The following GTF3C1 variants were observed in gnomAD, a reference collection of about 807,000 sequenced individuals.
GTF3C1 encodes general transcription factor 3C polypeptide 1.
Under a neutral mutation model 226.7 loss-of-function variants are expected in GTF3C1, and 57 were observed. The observed-to-expected ratio is 0.25, with a 90% CI of 0.20 to 0.31. The LOEUF is 0.31. GTF3C1 is among the 10% of genes least tolerant of loss of function. GTF3C1 has a pLI of 1.00. For synonymous variants in GTF3C1, 1,090 were observed against 1,084.8 expected, an observed-to-expected ratio of 1.00 and a Z score of -0.09; for missense variants, 2,217 against 2,776.1, an observed-to-expected ratio of 0.80 and a Z score of 4.53.
At chr16:27,494,740 A>T in intron 16 of GTF3C1, 23 bp downstream of exon 16, 2 of 1,594,510 alleles carry the variant, frequency 1.3e-6, no homozygotes, top group Non-Finnish European at 1.7e-6. Flanking sequence ...AATTCCTGTG[A>T]TAATGGCTCC....
In GTF3C1 at chr16:27,545,523, C is replaced by A; in HGVS notation, c.222G>T (p.Arg74=). Reference sequence around the variant, plus strand: ...CAGTTTCCAAATCAATTTCTTCATACCTAAGGAGAAAAACACAAATATCAA... The same window carrying A: ...CAGTTTCCAAATCAATTTCTTCATAACTAAGGAGAAAAACACAAATATCAA... ...RERPDLQLQD[R]YEEIDLETGI... Residue 74 remains arginine (R), a splice_region_variant and synonymous_variant, in exon 2 of 37, where the codon CGG becomes CGT. Transcript: ENST00000356183. The A allele has an allele frequency of 6.3e-7, 1 of 1,578,996 alleles. No homozygotes were observed. The highest frequency in any genetic ancestry group is 8.7e-7 in the Non-Finnish European group (1 of 1,148,368).
chr16:27,462,543 A>T lies in GTF3C1; in HGVS notation c.5925-57T>A. The T allele has an allele frequency of 7.3e-7, 1 of 1,371,020 alleles. No individual in the cohort carries two copies. The highest frequency in any genetic ancestry group is 1.2e-5 in the South Asian group (1 of 82,768). The allele number at this position is 1,371,020 out of a possible 1,614,324, so 84.9% of individuals were successfully genotyped here. ...GTGGGGGCAGGAGGGCAGCTCGTCC[A>T]GACAGAACACTGAGGCTCAGGGGCG... On this transcript the variant is annotated intron_variant, in intron 35 of 36. Transcript: ENST00000356183. The surrounding 1 kb of genome is among the most constrained non-coding windows in gnomAD (Gnocchi z 4.5).
intron 14 of GTF3C1, 88 bp downstream of exon 14, chr16:27,497,549 T>C: frequency 2.8e-6 from 3 of 1,066,714 alleles, no homozygotes; most frequent in Non-Finnish European, 4.2e-6. Context: ...GGCTCGGAGC[T>C]CAAATGGAGA....
chr16:27,522,232 T>A (rs1316833542), intron 6 of GTF3C1, among the ~76,000 whole-genome samples: 1 of 152,224 alleles, frequency 6.6e-6, no homozygotes, highest in Non-Finnish European at 1.5e-5. Context: ...AACATTCTCA[T>A]CACCTCAAAC....
intron 1 of GTF3C1, among the ~76,000 whole-genome samples, chr16:27,547,714 A>T (rs1225684588): frequency 1.3e-5 from 2 of 152,082 alleles, no homozygotes; most frequent in African/African-American, 4.8e-5. Flanking sequence ...CCCAGGCTGG[A>T]GTGCAGTGGC....
chr16:27,463,786 C>A lies in GTF3C1; in HGVS notation c.5873-194G>T. On this transcript the variant is annotated intron_variant, in intron 34 of 36. Transcript: ENST00000356183. This position sits in a 1 kb window ranked among gnomAD's most constrained non-coding sequence, Gnocchi z 4.9. The stretch of plus-strand genomic sequence containing the variant: ...TGGCAGGGCCGGGCAGACTGCCGCA[C>A]ACAGCGCCACATGCAAGCAGCGTCC... 1.6e-6 allele frequency: 1 copy of A among 616,640 alleles called. No individual in the cohort carries two copies. Among genetic ancestry groups the A allele is most frequent in the Admixed American group, 3.0e-5 (1 of 33,586 alleles). The allele number at this position is 616,640 out of a possible 1,614,324, so 38.2% of individuals were successfully genotyped here.
Position 27,470,675 on chromosome 16 carries a change from A to G in GTF3C1, c.4527-280T>C. 1 of 441,910 alleles carries G rather than the reference A, an allele frequency of 2.3e-6. No individual in the cohort carries two copies. The highest frequency in any genetic ancestry group is 4.1e-6 in the Non-Finnish European group (1 of 241,144). The allele number at this position is 441,910 out of a possible 1,614,324, so 27.4% of individuals were successfully genotyped here. On this transcript the variant is annotated intron_variant, in intron 30 of 36. Coordinates refer to ENST00000356183, the MANE Select transcript of GTF3C1 (RefSeq NM_001520.4). The surrounding 1 kb of genome is among the most constrained non-coding windows in gnomAD (Gnocchi z 4.9). ...CCTGGCGCTCCAGGAGGGCGCTGGC[A>G]GGCTCACCTTACAGGGGCTCACTGT...
In GTF3C1 at chr16:27,463,747, G is replaced by A. The variant is rs1271527881; in HGVS notation, c.5873-155C>T. Reference sequence around the variant, plus strand: ...AAGGACAATGAGCATCTCACAGAGCGGCCACCCTGGAGGTGGCAGGGCCGG... The same window carrying A: ...AAGGACAATGAGCATCTCACAGAGCAGCCACCCTGGAGGTGGCAGGGCCGG... On this transcript the variant is annotated intron_variant, in intron 34 of 36. Coordinates refer to ENST00000356183, the MANE Select transcript of GTF3C1 (RefSeq NM_001520.4). This position sits in a 1 kb window ranked among gnomAD's most constrained non-coding sequence, Gnocchi z 4.9. 1.6e-5 allele frequency: 11 copies of A among 677,480 alleles called. No homozygotes were observed. The highest frequency in any genetic ancestry group is 4.9e-5 in the Admixed American group (2 of 40,456). The allele number at this position is 677,480 out of a possible 1,614,324, so 42.0% of individuals were successfully genotyped here.
At position 27,467,957 on chromosome 16, in the gene GTF3C1, AC is replaced by A. The variant is rs1386809977; in HGVS notation, c.5074+1333del. Among the ~76,000 whole-genome samples, 7 of 152,024 alleles carry A rather than the reference AC, an allele frequency of 4.6e-5. 1 individual carries two copies. Among genetic ancestry groups the A allele is most frequent in the African/African-American group, 1.7e-4 (7 of 41,376 alleles). ...TGGATCTGGACAAAGGAAACTGAAAACCTTCTGGAAAGGAGCCACCATTCTA... is the reference window on the plus strand; with the variant it reads ...TGGATCTGGACAAAGGAAACTGAAAACTTCTGGAAAGGAGCCACCATTCTA... On this transcript the variant is annotated intron_variant, in intron 32 of 36. Coordinates refer to ENST00000356183, the MANE Select transcript of GTF3C1 (RefSeq NM_001520.4).
intron 16 of GTF3C1, among the ~76,000 whole-genome samples, chr16:27,493,586 T>C (rs957697482): frequency 5.9e-5 from 9 of 152,188 alleles, no homozygotes; most frequent in African/African-American, 1.9e-4. Flanking sequence ...AATATATACA[T>C]TTATATTTTA....
At chr16:27,502,771 C>T in intron 11 of GTF3C1, 88 bp downstream of exon 11, 1 of 1,344,120 alleles carries the variant, frequency 7.4e-7, no homozygotes, top group Non-Finnish European at 1.0e-6. Flanking sequence ...GAATGCCCCT[C>T]AGTGGTGTCC....
chr16:27,499,811 C>T (rs546540164), intron 12 of GTF3C1, among the ~76,000 whole-genome samples: 13 of 152,332 alleles, frequency 8.5e-5, no homozygotes, highest in South Asian at 8.3e-4. Context: ...CTGACACAGA[C>T]GCACCAGCTC....
At chr16:27,497,433 C>T (rs1369383060) in intron 14 of GTF3C1, among the ~76,000 whole-genome samples, 1 of 152,192 alleles carries the variant, frequency 6.6e-6, no homozygotes, top group Non-Finnish European at 1.5e-5. Flanking sequence ...GTATGGCAGG[C>T]AGAATTGTTC....
chr16:27,498,493 A>G (rs1208129775), intron 13 of GTF3C1, 137 bp downstream of exon 13: 1 of 696,678 alleles, frequency 1.4e-6, no homozygotes, highest in East Asian at 2.5e-5. Flanking sequence ...AGACTAGGAG[A>G]TCATGAACCA....
intron 16 of GTF3C1, among the ~76,000 whole-genome samples, chr16:27,494,292 T>C (rs1336139710): frequency 2.0e-5 from 3 of 151,730 alleles, no homozygotes; most frequent in Admixed American, 2.0e-4. Flanking sequence ...TCCCAGCTAC[T>C]TGGGAGGCTG....
chr16:27,494,806 A>G lies in GTF3C1; in HGVS notation c.2735T>C (p.Leu912Pro), dbSNP rs1322199236. The G allele has an allele frequency of 6.2e-7, 1 of 1,612,574 alleles. No homozygotes were observed. ...WALVSDILLC[L>P]PLSIFIQIVQ... ...AATCTGGATGAAGATGGAGAGGGGAAGGCAGAGGAGGATGTCGCTGACGAG... is the reference window on the plus strand; with the variant it reads ...AATCTGGATGAAGATGGAGAGGGGAGGGCAGAGGAGGATGTCGCTGACGAG... The change falls in exon 16 of 37, where the codon CTT becomes CCT. Residue 912 changes from leucine to proline, a missense_variant. Around this residue, in one of 12 missense-constraint regions of GTF3C1, gnomAD observed 353 missense variants for 411.7 expected, o/e 0.86. Coordinates refer to ENST00000356183, the MANE Select transcript of GTF3C1 (RefSeq NM_001520.4).
intron 4 of GTF3C1, among the ~76,000 whole-genome samples, chr16:27,535,995 T>G (rs2088996016): frequency 6.6e-6 from 1 of 152,308 alleles, no homozygotes; most frequent in African/African-American, 2.4e-5. Context: ...AGAAAAGTCA[T>G]GACATTTCAA....
chr16:27,513,789 T>C (rs545096007), intron 6 of GTF3C1, among the ~76,000 whole-genome samples: 1 of 152,324 alleles, frequency 6.6e-6, no homozygotes, highest in South Asian at 2.1e-4. Context: ...CCACCAGCTT[T>C]CATCAGCACA....
chr16:27,461,144 G>C lies in GTF3C1; in HGVS notation c.*206C>G. Reference sequence around the variant, plus strand: ...CCAAGGGGAAGGCCCAGAAGAGCCTGGGGGATGGGCAGGTCGGGGAGCCCC... The same window carrying C: ...CCAAGGGGAAGGCCCAGAAGAGCCTCGGGGATGGGCAGGTCGGGGAGCCCC... On this transcript the variant is annotated 3_prime_UTR_variant, in exon 37 of 37. Coordinates refer to ENST00000356183, the MANE Select transcript of GTF3C1 (RefSeq NM_001520.4). This position sits in a 1 kb window ranked among gnomAD's most constrained non-coding sequence, Gnocchi z 5.3. 1 of 534,226 alleles carries C rather than the reference G, an allele frequency of 1.9e-6. No homozygotes were observed. The highest frequency in any genetic ancestry group is 3.4e-6 in the Non-Finnish European group (1 of 298,308). 33.1% of individuals were successfully genotyped at this position (534,226 alleles called of 1,614,324 possible).
Sources: allele counts gnomAD v4.1 joint callset (sites outside exome capture counted in the v4.1 genomes callset), GRCh38; gene constraint gnomAD v4.1.1; regional missense constraint gnomAD v4.1.1; non-coding constraint Gnocchi (gnomAD v3.1); transcripts MANE v1.5; gene names NCBI Gene and HGNC (gene_info 2026-07-23, HGNC 2026-07-21).